Variants in OSBPL11 observed in about 807,000 individuals in gnomAD.
OSBPL11 encodes oxysterol-binding protein-related protein 11.
A neutral mutation model predicts 84.4 loss-of-function variants in OSBPL11; 33 were observed. The ratio of observed to expected loss-of-function variants is 0.39; its 90% CI spans 0.30 to 0.52. OSBPL11 has a LOEUF of 0.52. Ranked by LOEUF, OSBPL11 falls within the 20% of genes least tolerant of loss-of-function variation. The pLI is 0.72. For missense variants in OSBPL11, 736 were observed against 901.1 expected, an observed-to-expected ratio of 0.82 and a Z score of 2.35; for synonymous variants, 276 against 310.2, an observed-to-expected ratio of 0.89 and a Z score of 1.16.
At chr3:125,532,819 G>A (rs1294688588) in intron 11 of OSBPL11, among the ~76,000 whole-genome samples, 1 of 50,856 alleles carries the variant, frequency 2.0e-5, no homozygotes, top group East Asian at 3.9e-4. Context: ...TAGGCAAAAT[G>A]TGATATATCC....
chr3:125,583,032 G>A (rs1936451430), intron 1 of OSBPL11, 54 bp from the exon 2 acceptor site: 3 of 1,296,716 alleles, frequency 2.3e-6, no homozygotes, highest in East Asian at 2.4e-5. Flanking sequence ...AATCCCAGGA[G>A]GATAATGGTA....
In OSBPL11 at chr3:125,579,940, C is replaced by G; in HGVS notation, c.334G>C (p.Val112Leu). The G allele has an allele frequency of 1.9e-6, 3 of 1,614,216 alleles. No homozygotes were observed. Among genetic ancestry groups the G allele is most frequent in the Non-Finnish European group, 2.5e-6 (3 of 1,180,030 alleles). ...PRGTLQLAGA[V>L]ISPSDEDSHT... Reference sequence around the variant, plus strand: ...GAATCCTCATCACTGGGTGATATTACAGCTCCTGCAAGCTGCAAAGTTCCT... The same window carrying G: ...GAATCCTCATCACTGGGTGATATTAGAGCTCCTGCAAGCTGCAAAGTTCCT... Residue 112 changes from valine (V) to leucine (L), a missense_variant, in exon 3 of 13, where the codon GTA (valine) becomes CTA (leucine). Physicochemically the swap from Val to Leu is conservative, Grantham distance 32. This residue lies in a region of OSBPL11 where 43 missense variants were observed against 78.7 expected (regional missense o/e 0.55). Transcript: ENST00000296220.
intron 11 of OSBPL11, among the ~76,000 whole-genome samples, chr3:125,536,148 A>G (rs1386949560): frequency 2.0e-5 from 3 of 151,978 alleles, no homozygotes. Context: ...AAAAAAAAAA[A>G]TTCTGGCCTC....
chr3:125,546,021 T>C (rs950715594), intron 10 of OSBPL11, among the ~76,000 whole-genome samples: 4 of 151,736 alleles, frequency 2.6e-5, no homozygotes, highest in Non-Finnish European at 5.9e-5. Flanking sequence ...TGGCTGAGCA[T>C]GGCGGCTCAT....
chr3:125,590,058 A>G (rs1284564396), intron 1 of OSBPL11, among the ~76,000 whole-genome samples: 2 of 152,238 alleles, frequency 1.3e-5, no homozygotes, highest in Non-Finnish European at 2.9e-5. Flanking sequence ...ACAAGCTGAC[A>G]TGAAGAATAC....
At chr3:125,582,082 C>T (rs1416421210) in intron 2 of OSBPL11, among the ~76,000 whole-genome samples, 2 of 152,106 alleles carry the variant, frequency 1.3e-5, no homozygotes, top group East Asian at 3.8e-4. Context: ...CGCCTGTGAT[C>T]CCTGCACTTT....
chr3:125,594,247 G>C (rs1276302486), intron 1 of OSBPL11, among the ~76,000 whole-genome samples: 2 of 152,316 alleles, frequency 1.3e-5, no homozygotes, highest in Non-Finnish European at 2.9e-5. Context: ...TTGAGCACCA[G>C]TATTTGCTAC....
At chr3:125,574,297 A>G (rs1051806801) in intron 5 of OSBPL11, among the ~76,000 whole-genome samples, 6 of 152,136 alleles carry the variant, frequency 3.9e-5, no homozygotes, top group Non-Finnish European at 8.8e-5. Flanking sequence ...CAATTTACTG[A>G]AGAATGTCCT....
chr3:125,560,970 A>G (rs974371122), intron 7 of OSBPL11, among the ~76,000 whole-genome samples: 1 of 151,788 alleles, frequency 6.6e-6, no homozygotes, highest in Non-Finnish European at 1.5e-5. Flanking sequence ...AAGTGCTGGG[A>G]TTACAGGTGC....
intron 1 of OSBPL11, among the ~76,000 whole-genome samples, chr3:125,591,604 T>A (rs942852921): frequency 6.6e-6 from 1 of 152,116 alleles, no homozygotes; most frequent in Non-Finnish European, 1.5e-5. Flanking sequence ...AGGAAATGAA[T>A]CCTTCCCAGT....
Position 125,552,313 on chromosome 3 carries a change from G to C in OSBPL11, c.1522C>G (p.Gln508Glu). ...GAGACTGGAGGATGATGAGAAACCT[G>C]CTCAGCAACAAATCTGACTGTGTAA... ...DCYTVRFVAE[Q>E]VSHHPPVSGF... The change falls in exon 9 of 13, where the codon CAG (glutamine) becomes GAG (glutamate). Residue 508 changes from glutamine to glutamate, a missense_variant. Around this residue, in one of 3 missense-constraint regions of OSBPL11, gnomAD observed 579 missense variants for 717.6 expected, o/e 0.81. Coordinates refer to ENST00000296220, the MANE Select transcript of OSBPL11 (RefSeq NM_022776.5). The C allele has an allele frequency of 6.2e-7, 1 of 1,614,042 alleles. No homozygotes were observed. The highest frequency in any genetic ancestry group is 8.5e-7 in the Non-Finnish European group (1 of 1,180,020).
intron 5 of OSBPL11, among the ~76,000 whole-genome samples, chr3:125,575,463 C>T (rs1280893995): frequency 7.1e-6 from 1 of 140,486 alleles, no homozygotes; most frequent in Non-Finnish European, 1.6e-5. Flanking sequence ...TGGGCTCAGG[C>T]GATCCTCCTG....
chr3:125,585,516 A>G (rs530756091), intron 1 of OSBPL11, among the ~76,000 whole-genome samples: 1 of 145,038 alleles, frequency 6.9e-6, no homozygotes, highest in Middle Eastern at 3.4e-3. Flanking sequence ...TGATTCATAT[A>G]TCTAAAGAGT....
chr3:125,576,633 A>T (rs1303040809), intron 4 of OSBPL11, among the ~76,000 whole-genome samples: 1 of 152,212 alleles, frequency 6.6e-6, no homozygotes, highest in African/African-American at 2.4e-5. Context: ...CATTTTATAA[A>T]TATTAGAATA....
At chr3:125,537,586 G>T (rs1935661261) in intron 11 of OSBPL11, among the ~76,000 whole-genome samples, 1 of 152,050 alleles carries the variant, frequency 6.6e-6, no homozygotes, top group Non-Finnish European at 1.5e-5. Flanking sequence ...TTTGATTGTG[G>T]ACATTTAATC....
intron 6 of OSBPL11, among the ~76,000 whole-genome samples, chr3:125,565,841 T>C (rs756534394): frequency 4.6e-5 from 7 of 152,156 alleles, no homozygotes; most frequent in Non-Finnish European, 8.8e-5. Context: ...ATGAATGCCC[T>C]TTCCTCTACC....
At chr3:125,539,876 G>C (rs1052876873) in intron 10 of OSBPL11, among the ~76,000 whole-genome samples, 2 of 152,168 alleles carry the variant, frequency 1.3e-5, no homozygotes, top group African/African-American at 2.4e-5. Flanking sequence ...GTGTACAAGA[G>C]AATATGGCTT....
chr3:125,594,912 T>C lies in OSBPL11; in HGVS notation c.-112A>G. On this transcript the variant is annotated 5_prime_UTR_variant, in exon 1 of 13. Coordinates refer to ENST00000296220, the MANE Select transcript of OSBPL11 (RefSeq NM_022776.5). ...TCTGAATATGATACCGGTTGCTAAA[T>C]CACACGGCGGCTGGGGCGGGACTGT... 1 of 1,197,116 alleles carries C rather than the reference T, an allele frequency of 8.4e-7. No individual in the cohort carries two copies. Among genetic ancestry groups the C allele is most frequent in the African/African-American group, 1.5e-5 (1 of 65,292 alleles). The allele number at this position is 1,197,116 out of a possible 1,614,324, so 74.2% of individuals were successfully genotyped here.
intron 8 of OSBPL11, among the ~76,000 whole-genome samples, chr3:125,553,869 T>G (rs1426099176): frequency 6.6e-6 from 1 of 152,210 alleles, no homozygotes; most frequent in Non-Finnish European, 1.5e-5. Flanking sequence ...GAAATTCCAC[T>G]GAAATTAAAT....
Sources: gnomAD v4.1 joint callset for allele counts (sites outside exome capture counted in the v4.1 genomes callset) on GRCh38, gnomAD v4.1.1 for gene constraint, gnomAD v4.1.1 regional missense constraint, MANE v1.5 for transcripts, NCBI Gene and HGNC (gene_info 2026-07-23, HGNC 2026-07-21) for gene names.